Variants in ANKRD6 observed in about 807,000 individuals in gnomAD.
ANKRD6 encodes the protein ankyrin repeat domain-containing protein 6.
ANKRD6 carries 56 observed loss-of-function variants against 82.3 expected under a neutral mutation model. The observed-to-expected ratio is 0.68, with a 90% CI of 0.55 to 0.85. The LOEUF (loss-of-function observed/expected upper bound fraction) is 0.85. ANKRD6 is among the 40% of genes least tolerant of loss of function. ANKRD6 has a pLI of 0.00. For synonymous variants in ANKRD6, 347 were observed against 352.1 expected, an observed-to-expected ratio of 0.99 and a Z score of 0.16; for missense variants, 852 against 907.6, an observed-to-expected ratio of 0.94 and a Z score of 0.79.
intron 2 of ANKRD6, among the ~76,000 whole-genome samples, chr6:89,573,355 A>G (rs1194814498): frequency 6.6e-6 from 1 of 152,180 alleles, no homozygotes; most frequent in Non-Finnish European, 1.5e-5. Context: ...TAAATGTTTC[A>G]TCTACTATCT....
chr6:89,550,627 G>C (rs1785701568), intron 1 of ANKRD6, among the ~76,000 whole-genome samples: 1 of 152,170 alleles, frequency 6.6e-6, no homozygotes, highest in Admixed American at 6.5e-5. Flanking sequence ...TCTACATGCT[G>C]TAAGTGTACA....
At chr6:89,525,322 C>T (rs1040141870) in intron 1 of ANKRD6, among the ~76,000 whole-genome samples, 6 of 150,270 alleles carry the variant, frequency 4.0e-5, no homozygotes, top group Non-Finnish European at 7.4e-5. Context: ...AGTGCCTGTG[C>T]CCAGGCTCCC....
At chr6:89,538,133 T>A (rs1181143923) in intron 1 of ANKRD6, among the ~76,000 whole-genome samples, 1 of 152,244 alleles carries the variant, frequency 6.6e-6, no homozygotes, top group Non-Finnish European at 1.5e-5. Context: ...AATTGTCACA[T>A]AACATTTTAA....
chr6:89,532,842 C>T (rs928756036), intron 1 of ANKRD6, among the ~76,000 whole-genome samples: 2 of 151,932 alleles, frequency 1.3e-5, no homozygotes, highest in Admixed American at 1.3e-4. Context: ...GCTGGGATCA[C>T]AGCCATGTGC....
At chr6:89,527,149 C>G (rs1276478979) in intron 1 of ANKRD6, among the ~76,000 whole-genome samples, 2 of 152,168 alleles carry the variant, frequency 1.3e-5, no homozygotes, top group African/African-American at 4.8e-5. Flanking sequence ...GGTTCAGTTT[C>G]AGACCACGGC....
intron 2 of ANKRD6, among the ~76,000 whole-genome samples, chr6:89,570,261 A>T (rs553274904): frequency 6.6e-6 from 1 of 152,030 alleles, no homozygotes; most frequent in Admixed American, 6.6e-5. Flanking sequence ...GGGTCTCCCT[A>T]CGTTGCCCAG....
intron 2 of ANKRD6, among the ~76,000 whole-genome samples, chr6:89,573,625 G>A (rs2128096263): frequency 6.6e-6 from 1 of 152,276 alleles, no homozygotes; most frequent in Admixed American, 6.5e-5. Context: ...CTAAGAAAGG[G>A]AATATGTACA....
chr6:89,592,814 G>A (rs1213271848), intron 2 of ANKRD6, among the ~76,000 whole-genome samples: 1 of 152,096 alleles, frequency 6.6e-6, no homozygotes. Flanking sequence ...ACGTTGCCAG[G>A]CACATGGCTC....
At chr6:89,604,486 AG>A (rs1798035209) in intron 4 of ANKRD6, among the ~76,000 whole-genome samples, 1 of 151,624 alleles carries the variant, frequency 6.6e-6, no homozygotes, top group South Asian at 2.1e-4. Context: ...TTTTCTTTAA[AG>A]AGGCTATGCT....
intron 2 of ANKRD6, among the ~76,000 whole-genome samples, chr6:89,587,807 A>C (rs1794078890): frequency 2.0e-5 from 3 of 152,222 alleles, no homozygotes; most frequent in Admixed American, 6.5e-5. Context: ...TTAAGATATG[A>C]TGTGTCACTC....
intron 1 of ANKRD6, among the ~76,000 whole-genome samples, chr6:89,542,223 A>C (rs1013606201): frequency 6.6e-6 from 1 of 152,172 alleles, no homozygotes; most frequent in African/African-American, 2.4e-5. Flanking sequence ...GATTTCCTGA[A>C]AGCTTCGTCA....
chr6:89,501,063 G>A (rs1182701877), intron 1 of ANKRD6, among the ~76,000 whole-genome samples: 1 of 151,386 alleles, frequency 6.6e-6, no homozygotes, highest in African/African-American at 2.4e-5. Context: ...ATCAAGACGG[G>A]GCTTGCACCT....
intron 1 of ANKRD6, among the ~76,000 whole-genome samples, chr6:89,558,680 G>A (rs185259946): frequency 1.4e-4 from 22 of 152,140 alleles, no homozygotes; most frequent in Admixed American, 1.3e-3. Flanking sequence ...AAAACCCATG[G>A]AACTGTACAA....
At chr6:89,514,562 A>G (rs1780984828) in intron 1 of ANKRD6, among the ~76,000 whole-genome samples, 1 of 152,214 alleles carries the variant, frequency 6.6e-6, no homozygotes, top group Admixed American at 6.5e-5. Context: ...GGCATAAGAT[A>G]TCCTCAAAAG....
chr6:89,485,107 T>A (rs1671156613), intron 1 of ANKRD6, among the ~76,000 whole-genome samples: 2 of 152,178 alleles, frequency 1.3e-5, no homozygotes, highest in Non-Finnish European at 1.5e-5. Flanking sequence ...CCCAGCCCAA[T>A]GAAGAATTGG....
rs989721250 is a variant in ANKRD6 at position 89,566,869 on chromosome 6, G to A, written c.-108G>A. 7.0e-7 allele frequency: 1 copy of A among 1,431,270 alleles called. No homozygotes were observed. Among genetic ancestry groups the A allele is most frequent in the Non-Finnish European group, 9.5e-7 (1 of 1,056,846 alleles). The allele number at this position is 1,431,270 out of a possible 1,614,324, so 88.7% of individuals were successfully genotyped here. A position where few individuals can be genotyped will look rare whatever the true frequency, so the allele number is the denominator to read the frequency against. On this transcript the variant is annotated 5_prime_UTR_variant, in exon 2 of 16. Transcript: ENST00000339746. Reference sequence around the variant, plus strand: ...TGGCATATTCATAAAGACATCTTCTGATGATTGTGAACATCTTTACCTCTG... The same window carrying A: ...TGGCATATTCATAAAGACATCTTCTAATGATTGTGAACATCTTTACCTCTG...
intron 1 of ANKRD6, among the ~76,000 whole-genome samples, chr6:89,473,686 T>C (rs948485949): frequency 3.9e-5 from 6 of 152,132 alleles, no homozygotes; most frequent in African/African-American, 1.2e-4. Context: ...GCTTAAAAAC[T>C]GTCAACTTGT....
chr6:89,545,212 CAA>C (rs754348482), intron 1 of ANKRD6, among the ~76,000 whole-genome samples: 4 of 86,348 alleles, frequency 4.6e-5, no homozygotes, highest in Non-Finnish European at 2.2e-5. Flanking sequence ...GACTCCATCT[CAA>C]AAAAAAAAAA....
chr6:89,490,633 C>G (rs929618937), intron 1 of ANKRD6, among the ~76,000 whole-genome samples: 1 of 152,162 alleles, frequency 6.6e-6, no homozygotes, highest in African/African-American at 2.4e-5. Context: ...ATCCTCCTTA[C>G]CTAATGAGCA....
Sources: gnomAD v4.1 joint callset for allele counts (sites outside exome capture counted in the v4.1 genomes callset) on GRCh38, gnomAD v4.1.1 for gene constraint, MANE v1.5 for transcripts, NCBI Gene and HGNC (gene_info 2026-07-23, HGNC 2026-07-21) for gene names.